The following TOP1MT variants were observed in gnomAD, a reference collection of about 807,000 sequenced individuals.
The protein encoded by TOP1MT is DNA topoisomerase I mitochondrial, also known as DNA topoisomerase I, mitochondrial.
Under a neutral mutation model 73.9 loss-of-function variants are expected in TOP1MT, and 80 were observed. The observed-to-expected ratio is 1.08, with a 90% CI of 0.90 to 1.30. The LOEUF is 1.30. Ranked by LOEUF, TOP1MT falls within the 50% of genes most tolerant of loss-of-function variation. The probability of loss-of-function intolerance (pLI) is 0.00; values close to 1 mark genes in which losing one functional copy is unlikely to be tolerated. For missense variants in TOP1MT, 815 were observed against 808.0 expected, an observed-to-expected ratio of 1.01 and a Z score of -0.10; for synonymous variants, 338 against 326.4, an observed-to-expected ratio of 1.04 and a Z score of -0.38.
In TOP1MT at chr8:143,309,637, A is replaced by C. The variant is rs1013535087; in HGVS notation, c.1704-94T>G. ...CGGCAAGGGCGAGCGTCCTCCATGC[A>C]GCAGAGACACCAGAGCCGCCTGGTG... On this transcript the variant is annotated intron_variant, in intron 13 of 13. Coordinates refer to ENST00000329245, the MANE Select transcript of TOP1MT (RefSeq NM_052963.3). 27 of 1,574,296 alleles carry C rather than the reference A, an allele frequency of 1.7e-5. No individual in the cohort carries two copies. In the African/African-American group the frequency reaches 3.1e-4, roughly 18 times the overall value.
chr8:143,312,195 G>T (rs754075140), intron 12 of TOP1MT, among the ~76,000 whole-genome samples: 25 of 152,104 alleles, frequency 1.6e-4, no homozygotes, highest in Admixed American at 8.5e-4. Context: ...AAACTTTCAT[G>T]AAATATTAGA....
upstream of TOP1MT, among the ~76,000 whole-genome samples, chr8:143,336,543 T>C (rs1237194381): frequency 6.6e-6 from 1 of 152,136 alleles, no homozygotes; most frequent in Non-Finnish European, 1.5e-5. Context: ...ATGTCCACTC[T>C]CACCACTGCC....
chr8:143,357,895 TG>T (rs1181410488), upstream of TOP1MT, among the ~76,000 whole-genome samples: 1 of 147,468 alleles, frequency 6.8e-6, no homozygotes, highest in Non-Finnish European at 1.5e-5. Flanking sequence ...CACTCCAGCC[TG>T]GGTGACAGGA....
Position 143,324,069 on chromosome 8 carries a change from T to C in TOP1MT, c.890A>G (p.Tyr297Cys). 1 of 1,613,864 alleles carries C rather than the reference T, an allele frequency of 6.2e-7. No homozygotes were observed. Among genetic ancestry groups the C allele is most frequent in the Non-Finnish European group, 8.5e-7 (1 of 1,180,026 alleles). The stretch of plus-strand genomic sequence containing the variant: ...TTCCCGAGACTTCCAGTCAGCCCGG[T>C]ACTGGGAGCGGATCTCGTCCACAAA... The part of the protein sequence containing the change: ...RGFVDEIRSQ[Y>C]RADWKSREMK... Residue 297 changes from tyrosine (Y) to cysteine (C), a missense_variant, in exon 7 of 14, where the codon TAC becomes TGC. Physicochemically the swap from Tyr to Cys is radical, Grantham distance 194. Coordinates refer to ENST00000329245, the MANE Select transcript of TOP1MT (RefSeq NM_052963.3).
chr8:143,343,509 C>T (rs935815790), intron 1 of TOP1MT: 2 of 327,002 alleles, frequency 6.1e-6, no homozygotes, highest in South Asian at 5.0e-5. Flanking sequence ...TGGGAAGTCC[C>T]GCCCGAGGCC....
rs1816149989 is a variant in TOP1MT at position 143,316,005 on chromosome 8, C to T, written c.1452G>A (p.Gln484=). 6.2e-7 allele frequency: 1 copy of T among 1,614,056 alleles called. No homozygotes were observed. Among genetic ancestry groups the T allele is most frequent in the Non-Finnish European group, 8.5e-7 (1 of 1,180,014 alleles). Residue 484 remains glutamine, a synonymous_variant, in exon 11 of 14, where the codon CAG becomes CAA. Coordinates refer to ENST00000329245, the MANE Select transcript of TOP1MT (RefSeq NM_052963.3). The part of the protein sequence containing the change: ...STFEKSMQNL[Q]TKIQAKKEQV... Reference sequence around the variant, plus strand: ...CTCTCCTGGGAGCTGCTACCTTCGTCTGGAGATTCTGCATCGACTTCTCGA... The same window carrying T: ...CTCTCCTGGGAGCTGCTACCTTCGTTTGGAGATTCTGCATCGACTTCTCGA...
At chr8:143,323,927 C>T in intron 7 of TOP1MT, 72 bp downstream of exon 7, 1 of 1,578,754 alleles carries the variant, frequency 6.3e-7, no homozygotes, top group Non-Finnish European at 8.7e-7. Context: ...CGCCACACTG[C>T]ACCATCCAAC....
At chr8:143,310,324 CCT>C in intron 12 of TOP1MT, 107 bp from the exon 13 acceptor site, 1 of 820,962 alleles carries the variant, frequency 1.2e-6, no homozygotes, top group Admixed American at 3.3e-5. Context: ...CAGCCCTGTC[CCT>C]GTCATTGTCA....
chr8:143,355,974 A>C (rs1817400775), exon 1 of TOP1MT: 1 of 152,262 alleles, frequency 6.6e-6, no homozygotes, highest in Non-Finnish European at 1.5e-5. Context: ...CCCAACAGTA[A>C]GATTGTCCCG....
At chr8:143,332,998 C>T (rs1816900886) in intron 1 of TOP1MT, among the ~76,000 whole-genome samples, 1 of 152,218 alleles carries the variant, frequency 6.6e-6, no homozygotes, top group Non-Finnish European at 1.5e-5. Context: ...AGAGAGCCCA[C>T]CAGCCCTGAT....
intron 12 of TOP1MT, among the ~76,000 whole-genome samples, chr8:143,314,849 T>C (rs1014484605): frequency 6.6e-6 from 1 of 152,146 alleles, no homozygotes; most frequent in African/African-American, 2.4e-5. Flanking sequence ...TTTCCAATAT[T>C]ATAATAATCC....
rs528875597 is a variant in TOP1MT at position 143,324,596 on chromosome 8, G to A, written c.705C>T (p.His235=). Residue 235 remains histidine, a synonymous_variant, in exon 6 of 14, where the codon CAC becomes CAT. Coordinates refer to ENST00000329245, the MANE Select transcript of TOP1MT (RefSeq NM_052963.3). ...TATCGGAGCGCACCTCCTTCCACTG[G>A]TGCCCCGCCGGCGGCTCGGGGATCT... ...DSKIPEPPAG[H]QWKEVRSDNT... 16 of 1,613,368 alleles carry A rather than the reference G, an allele frequency of 9.9e-6. No homozygotes were observed. The highest frequency in any genetic ancestry group is 1.3e-5 in the Non-Finnish European group (15 of 1,179,950).
upstream of TOP1MT, among the ~76,000 whole-genome samples, chr8:143,346,293 G>C (rs563169783): frequency 6.6e-6 from 1 of 152,314 alleles, no homozygotes; most frequent in South Asian, 2.1e-4. Flanking sequence ...TACAGGCAGT[G>C]CAGGAACAGA....
At chr8:143,338,563 T>C (rs527948587), upstream of TOP1MT, among the ~76,000 whole-genome samples, 3 of 148,582 alleles carry the variant, frequency 2.0e-5, no homozygotes, top group East Asian at 5.8e-4. Flanking sequence ...TGAGACTCCG[T>C]CTCAAAAAAA....
intron 8 of TOP1MT, among the ~76,000 whole-genome samples, chr8:143,320,438 A>T (rs919941582): frequency 2.6e-5 from 4 of 151,842 alleles, no homozygotes; most frequent in Admixed American, 6.6e-5. Flanking sequence ...CTGTTTTTTT[A>T]AATTATTATT....
At chr8:143,329,524 C>T in intron 2 of TOP1MT, 53 bp from the exon 3 acceptor site, 2 of 1,583,320 alleles carry the variant, frequency 1.3e-6, no homozygotes, top group Non-Finnish European at 1.7e-6. Flanking sequence ...GGCTCGGCCT[C>T]CAGCTGACAT....
At chr8:143,351,314 T>C (rs1194444033) in intron 1 of TOP1MT, among the ~76,000 whole-genome samples, 1 of 152,256 alleles carries the variant, frequency 6.6e-6, no homozygotes, top group East Asian at 1.9e-4. Flanking sequence ...GGCTCAGGCC[T>C]GTAATCCCAG....
chr8:143,330,754 G>C (rs1816830773), intron 2 of TOP1MT, among the ~76,000 whole-genome samples: 1 of 152,166 alleles, frequency 6.6e-6, no homozygotes, highest in Non-Finnish European at 1.5e-5. Flanking sequence ...GGGTGTGTGG[G>C]CCCTGCTGCC....
chr8:143,321,434 C>T, intron 7 of TOP1MT, 48 bp from the exon 8 acceptor site: 3 of 1,471,548 alleles, frequency 2.0e-6, no homozygotes, highest in Non-Finnish European at 1.8e-6. Flanking sequence ...CACACGCACG[C>T]CACACACACG....
Sources: allele counts gnomAD v4.1 joint callset (sites outside exome capture counted in the v4.1 genomes callset), GRCh38; gene constraint gnomAD v4.1.1; transcripts MANE v1.5; gene names NCBI Gene and HGNC (gene_info 2026-07-23, HGNC 2026-07-21).